Variants in ATP10B observed in about 807,000 individuals in gnomAD.
ATP10B encodes the protein phospholipid-transporting ATPase VB.
ATP10B carries 122 observed loss-of-function variants against 141.2 expected under a neutral mutation model. That is an observed-to-expected ratio of 0.86 (90% CI 0.75 to 1.00). The LOEUF (loss-of-function observed/expected upper bound fraction) is 1.00. Ranked by LOEUF, ATP10B falls within the 50% of genes least tolerant of loss-of-function variation. The pLI is 0.00. For missense variants in ATP10B, 1,876 were observed against 1,825.3 expected, an observed-to-expected ratio of 1.03 and a Z score of -0.51; for synonymous variants, 685 against 692.0, an observed-to-expected ratio of 0.99 and a Z score of 0.16.
chr5:160,784,910 C>T (rs971377904), intron 2 of ATP10B, among the ~76,000 whole-genome samples: 48 of 151,962 alleles, frequency 3.2e-4, no homozygotes, highest in African/African-American at 1.0e-3. Flanking sequence ...GTTTATATAT[C>T]CCCTTTTCTC....
chr5:160,734,473 G>A (rs2127798699), intron 2 of ATP10B, among the ~76,000 whole-genome samples: 1 of 152,110 alleles, frequency 6.6e-6, no homozygotes, highest in South Asian at 2.1e-4. Flanking sequence ...AAATTTATAT[G>A]ATTGCAAAGC....
chr5:160,687,775 A>T (rs1561754568), intron 5 of ATP10B, 25 bp downstream of exon 5: 2 of 1,602,862 alleles, frequency 1.2e-6, no homozygotes, highest in South Asian at 2.2e-5. Flanking sequence ...TAAAAAGAGT[A>T]TTGTTCAGAC....
At chr5:160,804,508 G>A (rs937960114) in intron 1 of ATP10B, among the ~76,000 whole-genome samples, 3 of 152,158 alleles carry the variant, frequency 2.0e-5, no homozygotes, top group African/African-American at 4.8e-5. Flanking sequence ...TTTCCAGAGG[G>A]GGAAAACAGG....
At chr5:160,892,846 T>C in the ATP10B span, among the ~76,000 whole-genome samples, 1 of 152,170 alleles carries the variant, frequency 6.6e-6, no homozygotes, top group African/African-American at 2.4e-5. Flanking sequence ...CTGAGGTACC[T>C]GACTTATCTC....
intron 16 of ATP10B, 45 bp from the exon 17 acceptor site, chr5:160,616,009 C>G: frequency 6.4e-7 from 1 of 1,574,554 alleles, no homozygotes; most frequent in Non-Finnish European, 8.7e-7. Context: ...GGTGGACCAA[C>G]AAGATAATTT....
At chr5:160,854,239 C>T (rs142011710), upstream of ATP10B, among the ~76,000 whole-genome samples, 268 of 152,208 alleles carry the variant, frequency 1.8e-3, no homozygotes, top group African/African-American at 6.0e-3. Flanking sequence ...ATGCAGGTTA[C>T]ATAGGTATAC....
At chr5:160,783,951 C>T (rs1470757868) in intron 2 of ATP10B, among the ~76,000 whole-genome samples, 1 of 152,044 alleles carries the variant, frequency 6.6e-6, no homozygotes, top group East Asian at 1.9e-4. Flanking sequence ...TGCCTCTATG[C>T]ATATACACAT....
chr5:160,813,057 T>C lies in ATP10B; in HGVS notation c.-575-27254A>G, dbSNP rs187616312. Among the ~76,000 whole-genome samples, 1,068 of 152,234 alleles carry C rather than the reference T, an allele frequency of 7.0e-3. 18 individuals carry two copies. Among genetic ancestry groups the C allele is most frequent in the African/African-American group, 0.024 (1,007 of 41,536 alleles). ...TCCAGTCTACAGCTCCCAGTGTGAG[T>C]GATGCAGAAGATGGGTGATTTCTGC... On this transcript the variant is annotated intron_variant, in intron 1 of 25. Transcript: ENST00000327245.
chr5:160,790,958 A>T (rs1233214400), intron 1 of ATP10B, among the ~76,000 whole-genome samples: 1 of 152,126 alleles, frequency 6.6e-6, no homozygotes, highest in Non-Finnish European at 1.5e-5. Context: ...AGAGATCTAA[A>T]GTGAGAGAGA....
chr5:160,606,808 G>C lies in ATP10B; in HGVS notation c.3117C>G (p.Val1039=), dbSNP rs773601342. 4.3e-6 allele frequency: 7 copies of C among 1,613,978 alleles called. No homozygotes were observed. In the Admixed American group the frequency reaches 5.0e-5, roughly 12 times the overall value. ...CGCGCAACTTGTCTCGCACCAGCTT[G>C]ACTATCATACTCTTCTGGAGTGGCG... ...RSTPLQKSMI[V]KLVRDKLRVM... The change falls in exon 19 of 26, where the codon GTC becomes GTG. Residue 1039 remains valine (V), a synonymous_variant. Coordinates refer to ENST00000327245, the MANE Select transcript of ATP10B (RefSeq NM_025153.3).
the ATP10B span, among the ~76,000 whole-genome samples, chr5:160,900,908 G>GTT: frequency 2.6e-3 from 231 of 88,982 alleles, 6 homozygotes; most frequent in South Asian, 0.011. Flanking sequence ...GGGTAGAGAA[G>GTT]TTTTTTTTTT....
the ATP10B span, among the ~76,000 whole-genome samples, chr5:160,889,841 C>A: frequency 0.1 from 15,443 of 152,146 alleles, 882 homozygotes; most frequent in Non-Finnish European, 0.12. Context: ...TTATGCTGAA[C>A]ATCTTCTCAT....
At chr5:160,726,692 A>G (rs1215899737) in intron 2 of ATP10B, among the ~76,000 whole-genome samples, 6 of 151,168 alleles carry the variant, frequency 4.0e-5, no homozygotes, top group Non-Finnish European at 8.8e-5. Context: ...GAGGAGGAGG[A>G]GGAGAGATGA....
chr5:160,761,996 G>A (rs1769082720), intron 2 of ATP10B, among the ~76,000 whole-genome samples: 1 of 151,972 alleles, frequency 6.6e-6, no homozygotes, highest in Non-Finnish European at 1.5e-5. Context: ...TTGAAGACAA[G>A]GCTTTTGAAT....
chr5:160,687,962 T>G lies in ATP10B; in HGVS notation c.113A>C (p.Gln38Pro), dbSNP rs757486516. 4 of 1,614,052 alleles carry G rather than the reference T, an allele frequency of 2.5e-6. No individual in the cohort carries two copies. The highest frequency in any genetic ancestry group is 3.4e-6 in the Non-Finnish European group (4 of 1,180,046). ...TPLLSPEKGR[Q>P]SYNLTQQRVV... ...CCGCTGCTGTGTCAAGTTGTAGCTC[T>G]GTCTCCCTTTCTCTGGAGAGAGCAG... The change falls in exon 5 of 26, where the codon CAG becomes CCG. Residue 38 changes from glutamine (Q) to proline (P), a missense_variant. Gln to Pro is a moderately conservative substitution (Grantham distance 76). Coordinates refer to ENST00000327245, the MANE Select transcript of ATP10B (RefSeq NM_025153.3).
chr5:160,848,516 A>C (rs1462100287), intron 1 of ATP10B, among the ~76,000 whole-genome samples: 7 of 152,238 alleles, frequency 4.6e-5, no homozygotes, highest in African/African-American at 1.7e-4. Context: ...CATATCACTG[A>C]CATAATTTTG....
At chr5:160,762,424 T>C (rs1769111782) in intron 2 of ATP10B, among the ~76,000 whole-genome samples, 1 of 152,128 alleles carries the variant, frequency 6.6e-6, no homozygotes, top group South Asian at 2.1e-4. Context: ...CCTTAACAAA[T>C]AATTATCAGC....
chr5:160,877,991 C>G, the ATP10B span, among the ~76,000 whole-genome samples: 1 of 152,002 alleles, frequency 6.6e-6, no homozygotes, highest in East Asian at 1.9e-4. Context: ...CCATCCCCAT[C>G]AAGCTACCAA....
intron 10 of ATP10B, among the ~76,000 whole-genome samples, chr5:160,638,945 G>T (rs1376688400): frequency 6.6e-6 from 1 of 152,128 alleles, no homozygotes; most frequent in Non-Finnish European, 1.5e-5. Flanking sequence ...GATCACTCCT[G>T]TCTCCACCTC....
Sources: gnomAD v4.1 joint callset for allele counts (sites outside exome capture counted in the v4.1 genomes callset) on GRCh38, gnomAD v4.1.1 for gene constraint, MANE v1.5 for transcripts, NCBI Gene and HGNC (gene_info 2026-07-23, HGNC 2026-07-21) for gene names.